Variants in DYNC2H1 observed in about 807,000 individuals in gnomAD.
The protein encoded by DYNC2H1 is dynein cytoplasmic 2 heavy chain 1.
In DYNC2H1, 410 loss-of-function variants were observed where a neutral mutation model predicts 570.0. The ratio of observed to expected loss-of-function variants is 0.72; its 90% confidence interval spans 0.66 to 0.78. The LOEUF (loss-of-function observed/expected upper bound fraction) is 0.78, where lower values mean the gene tolerates loss of function less well. Among genes scored for constraint, DYNC2H1 ranks in the 30% least tolerant of loss-of-function variants. The probability of loss-of-function intolerance (pLI) is 0.00; values close to 1 mark genes in which losing one functional copy is unlikely to be tolerated. For missense variants in DYNC2H1, 4,865 were observed against 5,046.4 expected (o/e 0.96, Z 1.09); for synonymous variants, 1,688 against 1,677.6 (o/e 1.01, Z -0.15).
At chr11:103,351,179 C>T (rs1186388071) in intron 82 of DYNC2H1, among the ~76,000 whole-genome samples, 12 of 152,064 alleles carry the variant, frequency 7.9e-5, no homozygotes, top group Non-Finnish European at 1.5e-4. Context: ...CTGGAAGGTT[C>T]AAAATGTCCT....
chr11:103,444,425 A>G (rs627050), intron 85 of DYNC2H1, among the ~76,000 whole-genome samples: 53,656 of 151,908 alleles, frequency 0.35, 10,017 homozygotes, highest in African/African-American at 0.47. Flanking sequence ...TTATTAAATA[A>G]GGTAGTAACA....
At chr11:103,222,665 T>C (rs535893871) in intron 58 of DYNC2H1, among the ~76,000 whole-genome samples, 32 of 152,148 alleles carry the variant, frequency 2.1e-4, no homozygotes, top group Non-Finnish European at 3.7e-4. Flanking sequence ...GCTCAAACAT[T>C]GTTGTGGATG....
Position 103,220,879 on chromosome 11 carries a change from C to G in DYNC2H1, c.9107+96C>G, listed in dbSNP as rs1417025340. On this transcript the variant is annotated intron_variant, in intron 57 of 88. Coordinates refer to ENST00000375735, the MANE Select transcript of DYNC2H1 (RefSeq NM_001377.3). ...TTCTTATATTGTTTTTCAAAATGCA[C>G]TTCATCTAAATACATGGGTGTACAT... 4 of 1,236,568 alleles carry G rather than the reference C, an allele frequency of 3.2e-6. No homozygotes were observed. The East Asian group carries it at 1.0e-4, about 32-fold the overall frequency. The allele number at this position is 1,236,568 out of a possible 1,614,324, so 76.6% of individuals were successfully genotyped here.
chr11:103,358,192 G>A, intron 82 of DYNC2H1, 51 bp from the exon 83 acceptor site: 1 of 1,089,112 alleles, frequency 9.2e-7, no homozygotes, highest in Non-Finnish European at 1.3e-6. Flanking sequence ...CTTTCTTCCT[G>A]TTCGGCTGAA....
In DYNC2H1 at chr11:103,156,482, A is replaced by G. The variant is rs1361654703; in HGVS notation, c.3839A>G (p.Asp1280Gly). The part of the protein sequence containing the change: ...WGVGAVFTLI[D>G]YEDSQSRTMK... ...GTTGGAGCAGTGTTTACATTAATTG[A>G]TTATGAAGACAGCCAAAGTCGAACT... Residue 1280 changes from aspartate to glycine, a missense_variant, in exon 26 of 89, where the codon GAT (aspartate) becomes GGT (glycine). Physicochemically the swap from Asp to Gly is moderately conservative, Grantham distance 94 (BLOSUM62 -1). This residue lies in a region of DYNC2H1 where 1,936 missense variants were observed against 1,962.1 expected (regional missense o/e 0.99). Transcript: ENST00000375735. The G allele has an allele frequency of 3.1e-6, 5 of 1,613,646 alleles. No homozygotes were observed. The highest frequency in any genetic ancestry group is 4.2e-6 in the Non-Finnish European group (5 of 1,179,722).
chr11:103,236,989 T>C (rs938827915), intron 63 of DYNC2H1, among the ~76,000 whole-genome samples: 1 of 152,028 alleles, frequency 6.6e-6, no homozygotes, highest in African/African-American at 2.4e-5. Context: ...GAAATTTGTT[T>C]TGTCACATAG....
intron 1 of DYNC2H1, among the ~76,000 whole-genome samples, chr11:103,110,132 G>T (rs1402693778): frequency 1.3e-5 from 2 of 152,076 alleles, no homozygotes; most frequent in Non-Finnish European, 2.9e-5. Context: ...GAGTTCAAGC[G>T]ATTCTCGTGC....
At chr11:103,398,538 C>T (rs188488453) in intron 83 of DYNC2H1, among the ~76,000 whole-genome samples, 14 of 152,194 alleles carry the variant, frequency 9.2e-5, no homozygotes, top group Admixed American at 9.2e-4. Flanking sequence ...AGCAACAGTG[C>T]CACCATAGAC....
chr11:103,400,124 AT>A (rs1942575945), intron 84 of DYNC2H1, among the ~76,000 whole-genome samples: 1 of 152,192 alleles, frequency 6.6e-6, no homozygotes, highest in Non-Finnish European at 1.5e-5. Flanking sequence ...TACATATATA[AT>A]GAAATTTATG....
rs1439408467 is a variant in DYNC2H1 at position 103,264,680 on chromosome 11, G to T, written c.10695+4703G>T. 1.3e-5 allele frequency among the ~76,000 whole-genome samples: 2 copies of T among 152,154 alleles called. No individual in the cohort carries two copies. Among genetic ancestry groups the T allele is most frequent in the Non-Finnish European group, 2.9e-5 (2 of 68,032 alleles). On this transcript the variant is annotated intron_variant, in intron 70 of 88. Transcript: ENST00000375735. This position sits in a 1 kb window ranked among gnomAD's most constrained non-coding sequence, Gnocchi z 4.8. ...AAAACTTCATAAACTAGGTATTGATGGAACGTATCTCAAAATAATAAGAGC... is the reference window on the plus strand; with the variant it reads ...AAAACTTCATAAACTAGGTATTGATTGAACGTATCTCAAAATAATAAGAGC...
In DYNC2H1 at chr11:103,113,171, G is replaced by A. The variant is rs1591254888; in HGVS notation, c.196-366G>A. Among the ~76,000 whole-genome samples the A allele has an allele frequency of 3.3e-5, 5 of 152,212 alleles. No homozygotes were observed. The South Asian group carries it at 1.0e-3, about 32-fold the overall frequency. On this transcript the variant is annotated intron_variant, in intron 1 of 88. Transcript: ENST00000375735. ...ACTAGAGAAGCACACTACTCATTGT[G>A]TACCTGGAGCCTACAGCTTTCATCT...
At chr11:103,425,282 A>G (rs995670200) in intron 84 of DYNC2H1, among the ~76,000 whole-genome samples, 1 of 152,102 alleles carries the variant, frequency 6.6e-6, no homozygotes, top group African/African-American at 2.4e-5. Context: ...ACAAATTTTG[A>G]TAGACTGGGT....
intron 84 of DYNC2H1, among the ~76,000 whole-genome samples, chr11:103,410,600 TTA>T (rs1463443547): frequency 6.6e-6 from 1 of 152,122 alleles, no homozygotes; most frequent in Admixed American, 6.6e-5. Context: ...AATATAACTA[TTA>T]TAGTTTAGGG....
chr11:103,471,296 C>G (rs1945377860), intron 88 of DYNC2H1, among the ~76,000 whole-genome samples: 1 of 152,170 alleles, frequency 6.6e-6, no homozygotes, highest in Non-Finnish European at 1.5e-5. Context: ...TCCTCCTTGT[C>G]CTGTAATCAT....
chr11:103,315,017 C>A (rs188675391), intron 79 of DYNC2H1, among the ~76,000 whole-genome samples: 338 of 152,012 alleles, frequency 2.2e-3, no homozygotes, highest in Admixed American at 3.3e-3. Context: ...GGGTACATAT[C>A]CTTTAGAGAT....
rs1292315864 is a variant in DYNC2H1 at position 103,268,950 on chromosome 11, T to C, written c.10695+8973T>C. On this transcript the variant is annotated intron_variant, in intron 70 of 88. Coordinates refer to ENST00000375735, the MANE Select transcript of DYNC2H1 (RefSeq NM_001377.3). This position sits in a 1 kb window ranked among gnomAD's most constrained non-coding sequence, Gnocchi z 4.6. ...ATGTAATTTGGGAAGGATAAAATGA[T>C]TTAATATATTAGTGGACTATAGTGA... is the stretch of plus-strand genomic sequence containing the variant. 6.6e-6 allele frequency among the ~76,000 whole-genome samples: 1 copy of C among 152,114 alleles called. No homozygotes were observed. Among genetic ancestry groups the C allele is most frequent in the Non-Finnish European group, 1.5e-5 (1 of 67,960 alleles).
chr11:103,434,992 G>C (rs1220002835), intron 84 of DYNC2H1, among the ~76,000 whole-genome samples: 3 of 152,080 alleles, frequency 2.0e-5, no homozygotes, highest in Non-Finnish European at 4.4e-5. Flanking sequence ...AGTCTCAAGA[G>C]GCAAAGTGTC....
intron 85 of DYNC2H1, among the ~76,000 whole-genome samples, chr11:103,441,150 T>C (rs185340044): frequency 2.0e-3 from 298 of 152,254 alleles, no homozygotes; most frequent in South Asian, 0.01. Context: ...TCATTTACTC[T>C]GTTCTAGCCA....
rs1169401595 is a variant in DYNC2H1 at position 103,120,989 on chromosome 11, T to C, written c.1313T>C (p.Met438Thr). The C allele has an allele frequency of 1.3e-6, 2 of 1,591,342 alleles. No individual in the cohort carries two copies. The highest frequency in any genetic ancestry group is 2.3e-5 in the East Asian group (1 of 44,010). The change falls in exon 9 of 89, where the codon ATG becomes ACG. Residue 438 changes from methionine (M) to threonine (T), a missense_variant. By Grantham distance (81) the Met-to-Thr change is moderately conservative. This residue lies in a region of DYNC2H1 where 1,936 missense variants were observed against 1,962.1 expected (regional missense o/e 0.99). Coordinates refer to ENST00000375735, the MANE Select transcript of DYNC2H1 (RefSeq NM_001377.3). ...VKRPTISKEL[M>T]LERETLLARL... ...CGTCCAACTATAAGCAAAGAATTGA[T>C]GTTAGAAAGAGAAACTTTACTGGCA...
Sources: gnomAD v4.1 joint callset for allele counts (sites outside exome capture counted in the v4.1 genomes callset) on GRCh38, gnomAD v4.1.1 for gene constraint, gnomAD v4.1.1 regional missense constraint, Gnocchi (gnomAD v3.1) non-coding constraint, MANE v1.5 for transcripts, NCBI Gene and HGNC (gene_info 2026-07-23, HGNC 2026-07-21) for gene names.